Variants in LHFPL3 observed in about 807,000 individuals in gnomAD.
LHFPL3 encodes LHFPL tetraspan subfamily member 3 protein.
A neutral mutation model predicts 19.3 loss-of-function variants in LHFPL3; 5 were observed. That is an observed-to-expected ratio of 0.26 (90% confidence interval 0.14 to 0.54). The LOEUF is 0.54. LHFPL3 is among the 20% of genes least tolerant of loss of function. The pLI is 0.94. For missense variants in LHFPL3, 249 were observed against 307.4 expected, an observed-to-expected ratio of 0.81 and a Z score of 1.42; for synonymous variants, 133 against 126.2, an observed-to-expected ratio of 1.05 and a Z score of -0.36.
rs1443438105 is a variant in LHFPL3, at chr7:104,587,634, C to T, written c.446-149041C>T. The stretch of plus-strand genomic sequence containing the variant: ...ATTTATAATCCTTTGGGTATATACC[C>T]AGTAATGGGATGGCTGGGTCAAATG... On this transcript the variant is annotated intron_variant, in intron 1 of 2. Transcript: ENST00000424859. Among the ~76,000 whole-genome samples the T allele has an allele frequency of 3.4e-4, 52 of 152,012 alleles. 1 individual carries two copies. Among genetic ancestry groups the T allele is most frequent in the Non-Finnish European group, 1.0e-4 (7 of 68,006 alleles).
intron 1 of LHFPL3, among the ~76,000 whole-genome samples, chr7:104,557,836 A>T (rs956700777): frequency 1.1e-5 from 1 of 91,884 alleles, no homozygotes; most frequent in African/African-American, 4.2e-5. Context: ...CACTCCCCCC[A>T]CCCCACCACA....
chr7:104,507,033 G>T (rs117279075), intron 1 of LHFPL3, among the ~76,000 whole-genome samples: 1 of 152,154 alleles, frequency 6.6e-6, no homozygotes, highest in Non-Finnish European at 1.5e-5. Context: ...GAGAGAACTG[G>T]TGTCTCTATT....
At chr7:104,459,021 C>T (rs1169050883) in intron 1 of LHFPL3, among the ~76,000 whole-genome samples, 2 of 152,214 alleles carry the variant, frequency 1.3e-5, no homozygotes. Flanking sequence ...CTCACACAGT[C>T]AGGCTGTGGC....
At chr7:104,599,084 A>G (rs1343632726) in intron 1 of LHFPL3, among the ~76,000 whole-genome samples, 1 of 152,230 alleles carries the variant, frequency 6.6e-6, no homozygotes, top group Non-Finnish European at 1.5e-5. Flanking sequence ...TGCTTTTCTT[A>G]AATAGGCAAA....
chr7:104,579,782 C>T (rs1477890733), intron 1 of LHFPL3, among the ~76,000 whole-genome samples: 1 of 152,160 alleles, frequency 6.6e-6, no homozygotes, highest in East Asian at 1.9e-4. Flanking sequence ...AATTACTGAG[C>T]ACCCATCATG....
intron 2 of LHFPL3, among the ~76,000 whole-genome samples, chr7:104,806,578 G>A (rs1790365381): frequency 1.3e-5 from 2 of 151,990 alleles, no homozygotes; most frequent in South Asian, 2.1e-4. Flanking sequence ...GAACTCTTAG[G>A]ATCTTTTTAG....
At position 104,485,979 on chromosome 7, in the gene LHFPL3, G is replaced by A. The variant is rs186578800; in HGVS notation, c.445+156755G>A. 2.5e-3 allele frequency among the ~76,000 whole-genome samples: 381 copies of A among 152,292 alleles called. 4 individuals carry two copies. The highest frequency in any genetic ancestry group is 8.5e-3 in the African/African-American group (355 of 41,560). On this transcript the variant is annotated intron_variant, in intron 1 of 2. Coordinates refer to ENST00000424859, the MANE Select transcript of LHFPL3 (RefSeq NM_199000.3). ...GCATTGTTTCTTTAGTCAGGTAAAC[G>A]TCTTCAGTAATCCTTTCAGGGAAGA...
rs145384088 is a variant in LHFPL3, at chr7:104,396,666, G to A, written c.445+67442G>A. ...AGAAAAAAAAAAAAAAAGATAAAAA[G>A]TGTGCAGAGGGCAGGCGCAGTGGCT... On this transcript the variant is annotated intron_variant, in intron 1 of 2. Coordinates refer to ENST00000424859, the MANE Select transcript of LHFPL3 (RefSeq NM_199000.3). 9.4e-3 allele frequency among the ~76,000 whole-genome samples: 1,369 copies of A among 146,236 alleles called. 10 individuals are homozygous for A. The highest frequency in any genetic ancestry group is 0.034 in the South Asian group (159 of 4,628).
At chr7:104,574,361 A>T (rs1296338355) in intron 1 of LHFPL3, among the ~76,000 whole-genome samples, 1 of 152,238 alleles carries the variant, frequency 6.6e-6, no homozygotes, top group Non-Finnish European at 1.5e-5. Context: ...TGGATAAGTA[A>T]CATAAAAGTC....
At chr7:104,640,077 A>G (rs574147980) in intron 1 of LHFPL3, among the ~76,000 whole-genome samples, 1 of 152,322 alleles carries the variant, frequency 6.6e-6, no homozygotes, top group South Asian at 2.1e-4. Flanking sequence ...TGGGTTTCCT[A>G]TAGAACCAGA....
chr7:104,562,878 G>A (rs1290395364), intron 1 of LHFPL3, among the ~76,000 whole-genome samples: 1 of 151,624 alleles, frequency 6.6e-6, no homozygotes, highest in South Asian at 2.1e-4. Context: ...TGTCCTTTCT[G>A]TTTGTTAGTT....
At chr7:104,572,549 T>C (rs1790248938) in intron 1 of LHFPL3, among the ~76,000 whole-genome samples, 1 of 152,174 alleles carries the variant, frequency 6.6e-6, no homozygotes, top group Non-Finnish European at 1.5e-5. Flanking sequence ...TCAACAATTT[T>C]TATATAACCC....
chr7:104,436,099 A>G (rs1490331538), intron 1 of LHFPL3, among the ~76,000 whole-genome samples: 3 of 152,204 alleles, frequency 2.0e-5, no homozygotes, highest in Non-Finnish European at 4.4e-5. Context: ...CCTAGCCCCA[A>G]GAAGCTACTG....
At chr7:104,623,487 G>A (rs763758200) in intron 1 of LHFPL3, among the ~76,000 whole-genome samples, 6 of 152,220 alleles carry the variant, frequency 3.9e-5, no homozygotes, top group East Asian at 1.9e-4. Context: ...AAAACTAGCC[G>A]GGCATGGTGG....
intron 1 of LHFPL3, among the ~76,000 whole-genome samples, chr7:104,365,572 G>A (rs1358469060): frequency 6.6e-6 from 1 of 150,802 alleles, no homozygotes; most frequent in African/African-American, 2.4e-5. Flanking sequence ...ATGAGGTCAG[G>A]AGATCGAGAC....
chr7:104,631,265 T>C lies in LHFPL3; in HGVS notation c.446-105410T>C, dbSNP rs374904737. Among the ~76,000 whole-genome samples the C allele has an allele frequency of 1.2e-4, 17 of 144,774 alleles. No individual in the cohort carries two copies. In the East Asian group the frequency reaches 1.4e-3, roughly 12 times the overall value. 95.0% of individuals were successfully genotyped at this position (144,774 alleles called of 152,430 possible). A position where few individuals can be genotyped will look rare whatever the true frequency, so the allele number is the denominator to read the frequency against. The stretch of plus-strand genomic sequence containing the variant: ...TAACTGGAATATCTTGCCCTCTCAT[T>C]TCCTAAAAGTTTACCAATGTCCTCT... On this transcript the variant is annotated intron_variant, in intron 1 of 2. Transcript: ENST00000424859.
At chr7:104,843,671 G>A (rs1261630859) in intron 2 of LHFPL3, among the ~76,000 whole-genome samples, 1 of 152,156 alleles carries the variant, frequency 6.6e-6, no homozygotes, top group Non-Finnish European at 1.5e-5. Context: ...ACTTAGAGGA[G>A]AGGGCCTGTA....
intron 1 of LHFPL3, among the ~76,000 whole-genome samples, chr7:104,329,715 G>A (rs1672659795): frequency 6.6e-6 from 1 of 152,176 alleles, no homozygotes; most frequent in Admixed American, 6.5e-5. Flanking sequence ...GGCGGGGGGC[G>A]GTGGCTGGAG....
intron 1 of LHFPL3, among the ~76,000 whole-genome samples, chr7:104,529,812 T>C (rs1170159586): frequency 6.6e-6 from 1 of 152,058 alleles, no homozygotes; most frequent in African/African-American, 2.4e-5. Flanking sequence ...TCACAGAGGA[T>C]GGAGGCACTG....
Sources: allele counts gnomAD v4.1 joint callset (sites outside exome capture counted in the v4.1 genomes callset), GRCh38; gene constraint gnomAD v4.1.1; transcripts MANE v1.5; gene names NCBI Gene and HGNC (gene_info 2026-07-23, HGNC 2026-07-21).